Variants in ALOX12B observed in about 807,000 individuals in gnomAD.
ALOX12B encodes the protein arachidonate 12-lipoxygenase, 12R type, also known as arachidonate 12-lipoxygenase, 12R-type.
In ALOX12B, 47 loss-of-function variants were observed where a neutral mutation model predicts 78.9. The ratio of observed to expected loss-of-function variants is 0.60; its 90% CI spans 0.47 to 0.76. ALOX12B has a LOEUF of 0.76. ALOX12B is among the 30% of genes least tolerant of loss of function. The probability of loss-of-function intolerance (pLI) is 0.00; values close to 1 mark genes in which losing one functional copy is unlikely to be tolerated. For missense variants in ALOX12B, 805 were observed against 922.6 expected (o/e 0.87, Z 1.65); for synonymous variants, 370 against 374.5 (o/e 0.99, Z 0.14).
Position 8,080,358 on chromosome 17 carries a change from G to A in ALOX12B, c.651-20C>T, listed in dbSNP as rs372811325. On this transcript the variant is annotated intron_variant, in intron 5 of 14. Transcript: ENST00000647874. The surrounding 1 kb of genome is among the most constrained non-coding windows in gnomAD (Gnocchi z 4.8). The stretch of plus-strand genomic sequence containing the variant: ...AGTGCCCTAGGAGATGGGATTCCAG[G>A]AAGAGGCCTTCAGAGGGGCTGCCAA... The A allele has an allele frequency of 1.2e-4, 194 of 1,613,532 alleles. No individual in the cohort carries two copies. The highest frequency in any genetic ancestry group is 1.6e-4 in the Non-Finnish European group (190 of 1,179,578).
At chr17:8,073,061 TC>T in intron 14 of ALOX12B, 86 bp downstream of exon 14, 1 of 1,606,346 alleles carries the variant, frequency 6.2e-7, no homozygotes, top group East Asian at 2.2e-5. Flanking sequence ...CACTCCCTGC[TC>T]CCCTCTTGAC....
chr17:8,080,649 C>T lies in ALOX12B; in HGVS notation c.650+9G>A, dbSNP rs756831752. 6 of 1,614,066 alleles carry T rather than the reference C, an allele frequency of 3.7e-6. No individual in the cohort carries two copies. The Admixed American group carries it at 5.0e-5, about 13-fold the overall frequency. On this transcript the variant is annotated intron_variant, in intron 5 of 14. Coordinates refer to ENST00000647874, the MANE Select transcript of ALOX12B (RefSeq NM_001139.3). This position sits in a 1 kb window ranked among gnomAD's most constrained non-coding sequence, Gnocchi z 4.8. ...AGCCCTCGTTCTCCCGTCACTCACA[C>T]GGACTCACATGGGCCCCAGGCGGAC...
rs1243848636 is a variant in ALOX12B at position 8,079,338 on chromosome 17, C to CG, written c.1071+57dup. The CG allele has an allele frequency of 1.2e-5, 19 of 1,546,296 alleles. No homozygotes were observed. The highest frequency in any genetic ancestry group is 1.7e-5 in the Non-Finnish European group (19 of 1,145,230). On this transcript the variant is annotated intron_variant, in intron 8 of 14. Coordinates refer to ENST00000647874, the MANE Select transcript of ALOX12B (RefSeq NM_001139.3). This position sits in a 1 kb window ranked among gnomAD's most constrained non-coding sequence, Gnocchi z 6.4. ...ACGCTCACATAAGCGCGCGCACACT[C>CG]GGAGGAGCATTCGCGCACACAGAGG...
intron 2 of ALOX12B, among the ~76,000 whole-genome samples, chr17:8,084,287 C>T (rs1035859119): frequency 6.6e-6 from 1 of 152,208 alleles, no homozygotes; most frequent in East Asian, 1.9e-4. Context: ...CGCTGCAGCC[C>T]ATCATTTCCC....
intron 11 of ALOX12B, 81 bp from the exon 12 acceptor site, chr17:8,075,797 G>T: frequency 6.2e-7 from 1 of 1,611,594 alleles, no homozygotes; most frequent in Non-Finnish European, 8.5e-7. Flanking sequence ...CCCCCAGGGT[G>T]CCCTGACCTC....
intron 9 of ALOX12B, 96 bp downstream of exon 9, chr17:8,076,894 C>T (rs536997791): frequency 1.6e-5 from 23 of 1,459,250 alleles, no homozygotes; most frequent in Non-Finnish European, 2.2e-5. Context: ...CCCAGGCTGA[C>T]TGGAGTCTCT....
chr17:8,083,760 A>AC (rs397730314), intron 2 of ALOX12B, among the ~76,000 whole-genome samples: 7 of 149,446 alleles, frequency 4.7e-5, no homozygotes, highest in African/African-American at 1.5e-4. Context: ...ACAAAAAAAA[A>AC]CAACTCCGTT....
chr17:8,083,732 A>C (rs936048320), intron 2 of ALOX12B, among the ~76,000 whole-genome samples: 9 of 137,428 alleles, frequency 6.5e-5, no homozygotes, highest in African/African-American at 2.5e-4. Context: ...CTGTCTCAAA[A>C]GAAAAAACAA....
At chr17:8,072,973 C>G (rs779863977) in intron 14 of ALOX12B, 23 bp from the exon 15 acceptor site, 1 of 1,606,996 alleles carries the variant, frequency 6.2e-7, no homozygotes, top group African/African-American at 1.3e-5. Flanking sequence ...AGCTCGACAG[C>G]TGGGACCAGG....
intron 2 of ALOX12B, among the ~76,000 whole-genome samples, chr17:8,084,358 C>T (rs1264455686): frequency 6.6e-6 from 1 of 152,176 alleles, no homozygotes; most frequent in Admixed American, 6.5e-5. Flanking sequence ...ATGTTGTATT[C>T]TGGATGAACA....
At chr17:8,081,317 C>T (rs1288609629) in intron 2 of ALOX12B, 130 bp from the exon 3 acceptor site, 2 of 878,168 alleles carry the variant, frequency 2.3e-6, no homozygotes, top group Non-Finnish European at 3.8e-6. Flanking sequence ...GGAAGGCTCA[C>T]CTTGGGAGAG....
chr17:8,083,554 C>A (rs1301001183), intron 2 of ALOX12B, among the ~76,000 whole-genome samples: 1 of 151,836 alleles, frequency 6.6e-6, no homozygotes, highest in Non-Finnish European at 1.5e-5. Context: ...CATGATGAAA[C>A]CCCATCTCCA....
At chr17:8,077,901 A>G (rs1392274283) in intron 8 of ALOX12B, among the ~76,000 whole-genome samples, 1 of 152,184 alleles carries the variant, frequency 6.6e-6, no homozygotes, top group African/African-American at 2.4e-5. Flanking sequence ...ATACAAGTAC[A>G]GCTGGCCCTC....
In ALOX12B at chr17:8,077,010, T is replaced by C. The variant is rs759325064; in HGVS notation, c.1255A>G (p.Met419Val). ...FCLALLRNLP[M>V]CHPLYKLLIP... Reference sequence around the variant, plus strand: ...CATACCTTGTAGAGGGGGTGGCACATGGGCAGGTTCCTCAGCAAGGCCAGG... The same window carrying C: ...CATACCTTGTAGAGGGGGTGGCACACGGGCAGGTTCCTCAGCAAGGCCAGG... Residue 419 changes from methionine to valine, a missense_variant, in exon 9 of 15, where the codon ATG (methionine) becomes GTG (valine). Coordinates refer to ENST00000647874, the MANE Select transcript of ALOX12B (RefSeq NM_001139.3). 1 of 1,613,744 alleles carries C rather than the reference T, an allele frequency of 6.2e-7. No homozygotes were observed.
intron 1 of ALOX12B, 112 bp downstream of exon 1, chr17:8,087,184 C>T (rs1385555542): frequency 6.7e-7 from 1 of 1,492,910 alleles, no homozygotes. Flanking sequence ...CCCCTGCGCA[C>T]CTTCACCCCT....
chr17:8,075,566 C>T (rs774623395), intron 12 of ALOX12B, 29 bp downstream of exon 12: 10 of 1,613,686 alleles, frequency 6.2e-6, no homozygotes, highest in Admixed American at 3.3e-5. Flanking sequence ...CCCAGCTCCC[C>T]CTGATTGCCC....
chr17:8,082,499 G>A (rs899777003), intron 2 of ALOX12B, among the ~76,000 whole-genome samples: 2 of 152,224 alleles, frequency 1.3e-5, no homozygotes, highest in Non-Finnish European at 2.9e-5. Context: ...AAGGTGGACA[G>A]ACGCGCAGGC....
At chr17:8,084,223 G>A (rs1567984655) in intron 2 of ALOX12B, among the ~76,000 whole-genome samples, 1 of 152,178 alleles carries the variant, frequency 6.6e-6, no homozygotes, top group Admixed American at 6.5e-5. Context: ...CTAAGTCCAG[G>A]TCCGTCTTTC....
intron 2 of ALOX12B, chr17:8,081,404 G>A (rs1265400360): frequency 3.2e-6 from 2 of 623,930 alleles, no homozygotes; most frequent in Non-Finnish European, 5.9e-6. Flanking sequence ...CTACTGTCAA[G>A]CTAAGCTCTG....
Sources: gnomAD v4.1 joint callset for allele counts (sites outside exome capture counted in the v4.1 genomes callset) on GRCh38, gnomAD v4.1.1 for gene constraint, Gnocchi (gnomAD v3.1) non-coding constraint, MANE v1.5 for transcripts, NCBI Gene and HGNC (gene_info 2026-07-23, HGNC 2026-07-21) for gene names.